The following YY1AP1 variants were observed in gnomAD, a reference collection of about 807,000 sequenced individuals.
YY1AP1 encodes YY1 associated protein 1, also known as YY1-associated protein 1.
A neutral mutation model predicts 39.9 loss-of-function variants in YY1AP1; 43 were observed. The ratio of observed to expected loss-of-function variants is 1.08; its 90% confidence interval spans 0.84 to 1.39. The LOEUF (loss-of-function observed/expected upper bound fraction) is 1.39. Ranked by LOEUF, YY1AP1 falls within the 40% of genes most tolerant of loss-of-function variation. YY1AP1 has a pLI of 0.00. For missense variants in YY1AP1, 813 were observed against 900.7 expected (o/e 0.90, Z 1.25); for synonymous variants, 292 against 331.3 (o/e 0.88, Z 1.29).
chr1:155,667,372 C>T (rs921205217), intron 9 of YY1AP1, among the ~76,000 whole-genome samples: 1 of 152,002 alleles, frequency 6.6e-6, no homozygotes, highest in African/African-American at 2.4e-5. Context: ...GCCTTGGTGG[C>T]ATGCACCTGT....
At chr1:155,688,913 G>C (rs371563232), upstream of YY1AP1, 9 of 1,613,228 alleles carry the variant, frequency 5.6e-6, no homozygotes, top group Admixed American at 1.7e-5. Context: ...GGCCGGCCGA[G>C]TCCCATGACA....
chr1:155,677,697 A>G lies in YY1AP1; in HGVS notation c.126-951T>C, dbSNP rs553114813. The stretch of plus-strand genomic sequence containing the variant: ...ACTGTAGGTTTGGGTAGCACAGAGT[A>G]AAAACCTGAAGACCGTGGGACTGTC... On this transcript the variant is annotated intron_variant, in intron 4 of 10. Transcript: ENST00000355499. Among the ~76,000 whole-genome samples, 96 of 152,352 alleles carry G rather than the reference A, an allele frequency of 6.3e-4. 1 individual carries two copies. The highest frequency in any genetic ancestry group is 2.3e-3 in the African/African-American group (95 of 41,592).
intron 10 of YY1AP1, 43 bp downstream of exon 10, chr1:155,661,264 G>A (rs779527579): frequency 2.7e-5 from 44 of 1,613,800 alleles, no homozygotes; most frequent in Non-Finnish European, 8.5e-7. Flanking sequence ...AGAACTTTCA[G>A]TGACCTTCTG....
At chr1:155,661,087 A>C in intron 10 of YY1AP1, 174 bp from the exon 11 acceptor site, 3 of 1,485,072 alleles carry the variant, frequency 2.0e-6, no homozygotes, top group Non-Finnish European at 2.7e-6. Flanking sequence ...CTCTTCTCTG[A>C]ATTTCCTTTA....
At chr1:155,687,197 A>G (rs1398588909) in intron 2 of YY1AP1, among the ~76,000 whole-genome samples, 2 of 152,214 alleles carry the variant, frequency 1.3e-5, no homozygotes, top group African/African-American at 4.8e-5. Flanking sequence ...TGTAGCAATG[A>G]TTCTGTTAAA....
intron 4 of YY1AP1, among the ~76,000 whole-genome samples, chr1:155,676,989 T>C (rs887304506): frequency 6.6e-6 from 1 of 152,044 alleles, no homozygotes; most frequent in Non-Finnish European, 1.5e-5. Context: ...CCAAATAATA[T>C]ACAAATGAAG....
At chr1:155,673,915 A>G (rs1650222617) in intron 6 of YY1AP1, among the ~76,000 whole-genome samples, 2 of 151,998 alleles carry the variant, frequency 1.3e-5, no homozygotes, top group African/African-American at 4.8e-5. Flanking sequence ...TAATCCCAGC[A>G]CTTTGGGAGG....
At chr1:155,676,146 C>A (rs943607896) in intron 5 of YY1AP1, among the ~76,000 whole-genome samples, 2 of 151,592 alleles carry the variant, frequency 1.3e-5, no homozygotes, top group Non-Finnish European at 2.9e-5. Flanking sequence ...GGCGTGAACC[C>A]GGGAGGCAGA....
At chr1:155,683,388 C>A (rs1271976879) in intron 2 of YY1AP1, among the ~76,000 whole-genome samples, 1 of 152,038 alleles carries the variant, frequency 6.6e-6, no homozygotes, top group Non-Finnish European at 1.5e-5. Flanking sequence ...GTGGCTCACA[C>A]CTGTAATCCC....
At chr1:155,685,802 T>C (rs541188224) in intron 2 of YY1AP1, among the ~76,000 whole-genome samples, 1 of 152,228 alleles carries the variant, frequency 6.6e-6, no homozygotes, top group Admixed American at 6.5e-5. Context: ...TATATATAAA[T>C]CATGTGATTG....
At chr1:155,679,745 G>A (rs1266868328) in intron 3 of YY1AP1, 2 of 984,372 alleles carry the variant, frequency 2.0e-6, no homozygotes, top group African/African-American at 3.5e-5. Flanking sequence ...TAAGCACAGA[G>A]CTAGGATAAC....
At chr1:155,678,942 A>C (rs1418418788) in intron 4 of YY1AP1, among the ~76,000 whole-genome samples, 1 of 152,238 alleles carries the variant, frequency 6.6e-6, no homozygotes, top group Non-Finnish European at 1.5e-5. Context: ...TGCCAACTTT[A>C]GGCAAAAAGG....
Position 155,688,673 on chromosome 1 carries a change from G to A in YY1AP1, c.-166C>T, listed in dbSNP as rs1374154076. On this transcript the variant is annotated 5_prime_UTR_variant, in exon 1 of 11. Transcript: ENST00000355499. ...CTCACGCGTACCTTCAGCGGCGCGAGCCCAAGCCTTCTCCACCTCCTCTTC... is the reference window on the plus strand; with the variant it reads ...CTCACGCGTACCTTCAGCGGCGCGAACCCAAGCCTTCTCCACCTCCTCTTC... 39 of 1,532,184 alleles carry A rather than the reference G, an allele frequency of 2.5e-5. No individual in the cohort carries two copies. The highest frequency in any genetic ancestry group is 3.3e-5 in the Non-Finnish European group (38 of 1,145,904). The allele number at this position is 1,532,184 out of a possible 1,614,324, so 94.9% of individuals were successfully genotyped here.
At chr1:155,684,401 G>A (rs1317090985) in intron 2 of YY1AP1, among the ~76,000 whole-genome samples, 5 of 151,912 alleles carry the variant, frequency 3.3e-5, no homozygotes, top group South Asian at 2.1e-4. Flanking sequence ...CCTACTACCC[G>A]TTAAAAATTA....
chr1:155,673,969 G>A (rs550910569), intron 6 of YY1AP1, among the ~76,000 whole-genome samples: 12 of 151,844 alleles, frequency 7.9e-5, no homozygotes, highest in Non-Finnish European at 1.6e-4. Context: ...AGACCATCCC[G>A]GCTAAAACGG....
chr1:155,678,262 T>G (rs776598339), intron 4 of YY1AP1, among the ~76,000 whole-genome samples: 4 of 152,202 alleles, frequency 2.6e-5, no homozygotes, highest in Non-Finnish European at 5.9e-5. Flanking sequence ...TGTAAGTACA[T>G]TCTACGATGT....
At chr1:155,673,042 A>G (rs997491966) in intron 6 of YY1AP1, among the ~76,000 whole-genome samples, 1 of 152,162 alleles carries the variant, frequency 6.6e-6, no homozygotes, top group Non-Finnish European at 1.5e-5. Context: ...ATTTTGAGAC[A>G]TGGTCTCACT....
In YY1AP1 at chr1:155,660,633, C is replaced by T. The variant is rs764987872; in HGVS notation, c.1277G>A (p.Ser426Asn). 9.9e-6 allele frequency: 16 copies of T among 1,614,020 alleles called. No homozygotes were observed. The Admixed American group carries it at 2.7e-4, about 27-fold the overall frequency. The change falls in exon 11 of 11, where the codon AGC (serine) becomes AAC (asparagine). Residue 426 changes from serine (S) to asparagine (N), a missense_variant. Transcript: ENST00000355499. The part of the protein sequence containing the change: ...LIQPSPSLQP[S>N]FNPGKTPAQS... ...GGCTGGTGTTTTCCCAGGGTTGAAG[C>T]TGGGCTGGAGAGAGGGGCTGGGTTG...
In YY1AP1 at chr1:155,659,499, C is replaced by T; in HGVS notation, c.*158G>A. On this transcript the variant is annotated 3_prime_UTR_variant, in exon 11 of 11. Transcript: ENST00000355499. ...TTTATTGAAGCAAAAGTATATTCCACAGAGTGGGAGCAGGCTAAAGCAAGC... is the reference window on the plus strand; with the variant it reads ...TTTATTGAAGCAAAAGTATATTCCATAGAGTGGGAGCAGGCTAAAGCAAGC... 1.4e-6 allele frequency: 1 copy of T among 702,262 alleles called. No homozygotes were observed. The highest frequency in any genetic ancestry group is 2.5e-6 in the Non-Finnish European group (1 of 406,274). The allele number at this position is 702,262 out of a possible 1,614,324, so 43.5% of individuals were successfully genotyped here.
Sources: gnomAD v4.1 joint callset for allele counts (sites outside exome capture counted in the v4.1 genomes callset) on GRCh38, gnomAD v4.1.1 for gene constraint, MANE v1.5 for transcripts, NCBI Gene and HGNC (gene_info 2026-07-23, HGNC 2026-07-21) for gene names.